Variants in MCHR2 observed in about 807,000 individuals in gnomAD.
The protein encoded by MCHR2 is melanin-concentrating hormone receptor 2.
In MCHR2, 15 loss-of-function variants were observed where a neutral mutation model predicts 24.8. The observed-to-expected ratio is 0.60, with a 90% CI of 0.40 to 0.93. The LOEUF is 0.93. MCHR2 is among the 40% of genes least tolerant of loss of function. MCHR2 has a pLI of 0.00. For missense variants in MCHR2, 386 were observed against 408.7 expected, an observed-to-expected ratio of 0.94 and a Z score of 0.48; for synonymous variants, 151 against 147.6, an observed-to-expected ratio of 1.02 and a Z score of -0.17.
rs781313169 is a variant in MCHR2, at chr6:99,920,994, T to C, written c.969A>G (p.Arg323=). 1 of 1,614,208 alleles carries C rather than the reference T, an allele frequency of 6.2e-7. No individual in the cohort carries two copies. Among genetic ancestry groups the C allele is most frequent in the Non-Finnish European group, 8.5e-7 (1 of 1,180,028 alleles). Residue 323 remains arginine (R), a synonymous_variant, in exon 6 of 6, where the codon AGA becomes AGG. Transcript: ENST00000281806. ...FQKRLPQIQR[R]ATEKEINNMG... is the part of the protein sequence containing the mutation. ...TATTGTTGATTTCCTTCTCAGTCGC[T>C]CTTCTTTGGATTTGAGGCAGACGTT...
chr6:99,946,642 C>A (rs1311146450), intron 3 of MCHR2, among the ~76,000 whole-genome samples: 1 of 152,048 alleles, frequency 6.6e-6, no homozygotes, highest in Non-Finnish European at 1.5e-5. Context: ...CAAGACCCTG[C>A]CTTTGTGGAA....
chr6:99,919,722 T>G lies in MCHR2; in HGVS notation c.*1218A>C, dbSNP rs527457563. ...AAAGGGAATGTTTCTTGTTTTTTTT[T>G]TTGTTTGTTTTGTTTTTTTTTTTGA... is the stretch of plus-strand genomic sequence containing the variant. On this transcript the variant is annotated 3_prime_UTR_variant, in exon 6 of 6. Transcript: ENST00000281806. Among the ~76,000 whole-genome samples, 4 of 143,662 alleles carry G rather than the reference T, an allele frequency of 2.8e-5. No individual in the cohort carries two copies. The highest frequency in any genetic ancestry group is 9.9e-5 in the African/African-American group (4 of 40,276). The allele number at this position is 143,662 out of a possible 152,430, so 94.2% of individuals were successfully genotyped here. A position where few individuals can be genotyped will look rare whatever the true frequency, so the allele number is the denominator to read the frequency against.
rs546492560 is a variant in MCHR2, at chr6:99,972,571, C to T, written c.-27-16397G>A. ...TGGGTCTCTATTTCCTTCAGTTCTGCTCTGATTTTAGTAATTTCTTGCCTT... is the reference window on the plus strand; with the variant it reads ...TGGGTCTCTATTTCCTTCAGTTCTGTTCTGATTTTAGTAATTTCTTGCCTT... On this transcript the variant is annotated intron_variant, in intron 1 of 5. Coordinates refer to ENST00000281806, the MANE Select transcript of MCHR2 (RefSeq NM_001040179.2). Among the ~76,000 whole-genome samples, 11 of 152,254 alleles carry T rather than the reference C, an allele frequency of 7.2e-5. No homozygotes were observed. The East Asian group carries it at 1.9e-3, about 27-fold the overall frequency.
intron 1 of MCHR2, among the ~76,000 whole-genome samples, chr6:99,975,961 G>C (rs192678936): frequency 1.3e-5 from 2 of 152,298 alleles, no homozygotes; most frequent in East Asian, 3.9e-4. Context: ...AATGATGCAG[G>C]AATTGAATCT....
At chr6:99,931,171 G>A (rs554271129) in intron 5 of MCHR2, among the ~76,000 whole-genome samples, 3 of 152,276 alleles carry the variant, frequency 2.0e-5, no homozygotes, top group Admixed American at 2.0e-4. Flanking sequence ...AACCGCGAAT[G>A]CTGCTGTCTG....
At chr6:99,974,322 A>C (rs909660342) in intron 1 of MCHR2, among the ~76,000 whole-genome samples, 2 of 152,042 alleles carry the variant, frequency 1.3e-5, no homozygotes, top group African/African-American at 4.8e-5. Flanking sequence ...ATCTTCCAAC[A>C]CTGATACACT....
At chr6:99,966,625 T>C (rs188493123) in intron 1 of MCHR2, among the ~76,000 whole-genome samples, 1 of 152,212 alleles carries the variant, frequency 6.6e-6, no homozygotes, top group Non-Finnish European at 1.5e-5. Context: ...TACCATATTC[T>C]TATCTTTGTG....
intron 2 of MCHR2, among the ~76,000 whole-genome samples, chr6:99,953,949 C>G: frequency 6.6e-6 from 1 of 151,958 alleles, no homozygotes; most frequent in Non-Finnish European, 1.5e-5. Context: ...GATAGCGAAA[C>G]TGAAGGTTTG....
At chr6:99,928,611 T>C (rs1167180755) in intron 5 of MCHR2, among the ~76,000 whole-genome samples, 1 of 152,228 alleles carries the variant, frequency 6.6e-6, no homozygotes, top group African/African-American at 2.4e-5. Flanking sequence ...CTAGATTTTT[T>C]AGTTTATTTG....
intron 5 of MCHR2, among the ~76,000 whole-genome samples, chr6:99,931,202 G>A (rs991460690): frequency 6.6e-6 from 1 of 152,150 alleles, no homozygotes; most frequent in African/African-American, 2.4e-5. Flanking sequence ...TGGAAGTTTT[G>A]TCTCAGAGGA....
intron 4 of MCHR2, among the ~76,000 whole-genome samples, chr6:99,936,378 A>G (rs1277256044): frequency 6.6e-6 from 1 of 151,930 alleles, no homozygotes; most frequent in Non-Finnish European, 1.5e-5. Flanking sequence ...ATTTTTGTGT[A>G]TGGTGAGAGG....
intron 1 of MCHR2, among the ~76,000 whole-genome samples, chr6:99,968,640 TCAA>T (rs1775336907): frequency 6.6e-6 from 1 of 152,120 alleles, no homozygotes; most frequent in South Asian, 2.1e-4. Context: ...AAGGATTTAA[TCAA>T]CATTTATAAA....
rs1028497942 is a variant in MCHR2 at position 99,919,149 on chromosome 6, T to C, written c.*1791A>G. Among the ~76,000 whole-genome samples the C allele has an allele frequency of 1.3e-5, 2 of 152,198 alleles. No individual in the cohort carries two copies. Among genetic ancestry groups the C allele is most frequent in the Non-Finnish European group, 2.9e-5 (2 of 68,034 alleles). The stretch of plus-strand genomic sequence containing the variant: ...GACACAGCTTCTTATTGACGTTTTA[T>C]AGGAGCATCCAGCTGCATATGTAGG... On this transcript the variant is annotated 3_prime_UTR_variant, in exon 6 of 6. Coordinates refer to ENST00000281806, the MANE Select transcript of MCHR2 (RefSeq NM_001040179.2).
chr6:99,991,611 T>C (rs893680356), intron 1 of MCHR2, among the ~76,000 whole-genome samples: 2 of 151,828 alleles, frequency 1.3e-5, no homozygotes, highest in African/African-American at 4.8e-5. Flanking sequence ...ATCGAGACCA[T>C]CCTGAGCAAC....
Position 99,955,967 on chromosome 6 carries a change from T to G in MCHR2, c.181A>C (p.Arg61=). 6.3e-7 allele frequency: 1 copy of G among 1,578,566 alleles called. No individual in the cohort carries two copies. Among genetic ancestry groups the G allele is most frequent in the Non-Finnish European group, 8.6e-7 (1 of 1,166,642 alleles). Residue 61 remains arginine, a splice_region_variant and synonymous_variant, in exon 2 of 6, where the codon AGA becomes CGA. Coordinates refer to ENST00000281806, the MANE Select transcript of MCHR2 (RefSeq NM_001040179.2). ...AAAAAAAAAGGAGCCATTCCTTACC[T>G]TATTATAGTGAATACAATGAGGATG... is the stretch of plus-strand genomic sequence containing the variant. ...GNILIVFTII[R]SRKKTVPDIY... is the part of the protein sequence containing the mutation.
At chr6:99,931,477 T>C (rs536014388) in intron 5 of MCHR2, among the ~76,000 whole-genome samples, 1 of 152,324 alleles carries the variant, frequency 6.6e-6, no homozygotes, top group African/African-American at 2.4e-5. Flanking sequence ...CTCCTTGAGC[T>C]GTGGTGGGCT....
chr6:99,946,086 G>A (rs1276288131), intron 3 of MCHR2, among the ~76,000 whole-genome samples: 5 of 151,152 alleles, frequency 3.3e-5, no homozygotes, highest in South Asian at 4.2e-4. Context: ...AAAGAAGCTC[G>A]TATTATCCCC....
chr6:99,946,660 C>T (rs6927064), intron 3 of MCHR2, among the ~76,000 whole-genome samples: 151,544 of 152,286 alleles, frequency 1, 75,405 homozygotes, highest in Middle Eastern at 1. Context: ...GAATTGACAT[C>T]TGAGGTACAA....
Position 99,947,987 on chromosome 6 carries a change from GA to G in MCHR2, c.183-17del. The stretch of plus-strand genomic sequence containing the variant: ...TTTCCTGGATCTGAAAGAGATAGAG[GA>G]AACTGAGGATTGACATTGAATGTAT... On this transcript the variant is annotated splice_polypyrimidine_tract_variant and intron_variant, in intron 2 of 5. Transcript: ENST00000281806. 1 of 1,604,728 alleles carries G rather than the reference GA, an allele frequency of 6.2e-7. No individual in the cohort carries two copies. Among genetic ancestry groups the G allele is most frequent in the Non-Finnish European group, 8.5e-7 (1 of 1,172,966 alleles).
Sources: allele counts gnomAD v4.1 joint callset (sites outside exome capture counted in the v4.1 genomes callset), GRCh38; gene constraint gnomAD v4.1.1; transcripts MANE v1.5; gene names NCBI Gene and HGNC (gene_info 2026-07-23, HGNC 2026-07-21).